NRG3: variants seen among roughly 807,000 people sequenced by gnomAD.
The protein encoded by NRG3 is neuregulin 3, also known as pro-neuregulin-3, membrane-bound isoform.
In NRG3, 31 loss-of-function variants were observed where a neutral mutation model predicts 66.9. That is an observed-to-expected ratio of 0.46 (90% confidence interval 0.35 to 0.63). The LOEUF (loss-of-function observed/expected upper bound fraction) is 0.63. Among genes scored for constraint, NRG3 ranks in the 20% least tolerant of loss-of-function variants. The pLI is 0.00. For synonymous variants in NRG3, 393 were observed against 359.4 expected, an observed-to-expected ratio of 1.09 and a Z score of -1.06; for missense variants, 910 against 878.9, an observed-to-expected ratio of 1.04 and a Z score of -0.45.
intron 1 of NRG3, among the ~76,000 whole-genome samples, chr10:82,187,937 A>T (rs1242312143): frequency 6.8e-6 from 1 of 146,628 alleles, no homozygotes; most frequent in Non-Finnish European, 1.5e-5. Context: ...CAAAATACCA[A>T]TGACAGTCTT....
At chr10:82,596,132 C>G (rs1207214479) in intron 2 of NRG3, among the ~76,000 whole-genome samples, 1 of 152,166 alleles carries the variant, frequency 6.6e-6, no homozygotes, top group East Asian at 1.9e-4. Flanking sequence ...AATGAACATG[C>G]TTGCTTGCAA....
intron 3 of NRG3, among the ~76,000 whole-genome samples, chr10:82,749,665 C>T (rs1243988844): frequency 1.3e-5 from 2 of 152,060 alleles, no homozygotes; most frequent in Non-Finnish European, 2.9e-5. Context: ...CCCTCCACAT[C>T]CCATATTCAT....
chr10:81,916,617 C>T (rs1374737645), intron 1 of NRG3, among the ~76,000 whole-genome samples: 3 of 152,046 alleles, frequency 2.0e-5, no homozygotes, highest in African/African-American at 2.4e-5. Flanking sequence ...GGTCTGCTGT[C>T]GAAGAGATGT....
chr10:82,873,031 G>A (rs749334104), intron 4 of NRG3, among the ~76,000 whole-genome samples: 2 of 152,096 alleles, frequency 1.3e-5, no homozygotes, highest in Non-Finnish European at 2.9e-5. Flanking sequence ...ATTTTAAGGA[G>A]TGATTATCCC....
At chr10:82,738,719 A>T in intron 3 of NRG3, 69 bp downstream of exon 3, 6 of 1,299,664 alleles carry the variant, frequency 4.6e-6, no homozygotes, top group South Asian at 1.2e-5. Flanking sequence ...AATGGTTGTT[A>T]ACTCAGCTGA....
chr10:82,976,776 C>T (rs1290454103), intron 7 of NRG3, among the ~76,000 whole-genome samples: 2 of 152,082 alleles, frequency 1.3e-5, no homozygotes, highest in African/African-American at 4.8e-5. Flanking sequence ...GTGTCCCCTT[C>T]CTCCCTGCTT....
intron 2 of NRG3, among the ~76,000 whole-genome samples, chr10:82,565,927 A>G (rs952410037): frequency 2.0e-5 from 3 of 152,076 alleles, no homozygotes; most frequent in Non-Finnish European, 2.9e-5. Context: ...CTTTAAAAGC[A>G]TGGGTTTGTG....
intron 1 of NRG3, among the ~76,000 whole-genome samples, chr10:82,000,510 C>A (rs981045404): frequency 6.6e-6 from 1 of 152,110 alleles, no homozygotes; most frequent in African/African-American, 2.4e-5. Context: ...GGTCATGTAT[C>A]ACCCTTAGCT....
intron 3 of NRG3, among the ~76,000 whole-genome samples, chr10:82,797,600 G>A (rs978350049): frequency 6.6e-6 from 1 of 152,012 alleles, no homozygotes; most frequent in African/African-American, 2.4e-5. Flanking sequence ...AAATGTCCTT[G>A]TTTGCTCATG....
At chr10:81,892,148 T>A (rs1843065962) in intron 1 of NRG3, among the ~76,000 whole-genome samples, 1 of 152,036 alleles carries the variant, frequency 6.6e-6, no homozygotes, top group African/African-American at 2.4e-5. Flanking sequence ...AAGAATTCCA[T>A]CCCCTTCTTC....
At chr10:81,912,986 T>C (rs1329265562) in intron 1 of NRG3, among the ~76,000 whole-genome samples, 1 of 152,210 alleles carries the variant, frequency 6.6e-6, no homozygotes, top group East Asian at 1.9e-4. Flanking sequence ...AATAAATCCA[T>C]TGTGTAAACT....
chr10:82,919,183 A>G (rs528939889), intron 4 of NRG3, among the ~76,000 whole-genome samples: 1 of 152,130 alleles, frequency 6.6e-6, no homozygotes, highest in East Asian at 1.9e-4. Context: ...AGAATGAGAA[A>G]GTTGCATAAT....
chr10:82,373,691 C>T (rs1382147068), intron 2 of NRG3, among the ~76,000 whole-genome samples: 1 of 152,160 alleles, frequency 6.6e-6, no homozygotes, highest in Non-Finnish European at 1.5e-5. Flanking sequence ...AAAGTATCTA[C>T]TTTAAATAAG....
At chr10:82,161,832 A>C (rs1039565426) in intron 1 of NRG3, among the ~76,000 whole-genome samples, 5 of 152,282 alleles carry the variant, frequency 3.3e-5, no homozygotes, top group Admixed American at 1.3e-4. Context: ...TCTAAGTTTA[A>C]GCAAAGCAAT....
chr10:82,804,553 A>T lies in NRG3; in HGVS notation c.1028-60858A>T, dbSNP rs138855878. On this transcript the variant is annotated intron_variant, in intron 3 of 8. Coordinates refer to ENST00000372141, the MANE Select transcript of NRG3 (RefSeq NM_001010848.4). Reference sequence around the variant, plus strand: ...GTGCTCAATAAATGCTAGCCACAAAATCATTATCATTCTTATTGCTATAAT... The same window carrying T: ...GTGCTCAATAAATGCTAGCCACAAATTCATTATCATTCTTATTGCTATAAT... Among the ~76,000 whole-genome samples the T allele has an allele frequency of 4.3e-3, 660 of 152,308 alleles. 9 individuals carry two copies. Among genetic ancestry groups the T allele is most frequent in the African/African-American group, 0.015 (640 of 41,566 alleles).
Position 82,784,922 on chromosome 10 carries a change from A to T in NRG3, c.1027+46272A>T, listed in dbSNP as rs1267790777. Among the ~76,000 whole-genome samples the T allele has an allele frequency of 2.0e-5, 3 of 152,300 alleles. 1 individual carries two copies. In the South Asian group the frequency reaches 6.2e-4, roughly 32 times the overall value. On this transcript the variant is annotated intron_variant, in intron 3 of 8. Coordinates refer to ENST00000372141, the MANE Select transcript of NRG3 (RefSeq NM_001010848.4). ...CATGCACACGTATGTTCATTTCATC[A>T]CTATTCACAATAGCAAAGACTTGGA...
At chr10:82,544,068 C>T (rs182961141) in intron 2 of NRG3, among the ~76,000 whole-genome samples, 7 of 152,288 alleles carry the variant, frequency 4.6e-5, no homozygotes, top group Non-Finnish European at 8.8e-5. Context: ...GACTCAGAGA[C>T]CCAGTTGCTT....
intron 2 of NRG3, among the ~76,000 whole-genome samples, chr10:82,705,204 C>T (rs994499515): frequency 2.0e-5 from 3 of 152,120 alleles, no homozygotes; most frequent in African/African-American, 7.2e-5. Context: ...AAGACAAGCC[C>T]TCTGGACTGG....
At position 82,738,635 on chromosome 10, in the gene NRG3, A is replaced by G; in HGVS notation, c.1012A>G (p.Ile338Val). The change falls in exon 3 of 9, where the codon ATC (isoleucine) becomes GTC (valine). Residue 338 changes from isoleucine to valine, a missense_variant. Coordinates refer to ENST00000372141, the MANE Select transcript of NRG3 (RefSeq NM_001010848.4). ...CDQFLPKTDS[I>V]LSDPTDHLGI... is the part of the protein sequence containing the mutation. ...TCAATTTCTGCCGAAAACTGATTCC[A>G]TCTTATCGGATCCAAGTAGGTCAAG... The G allele has an allele frequency of 6.2e-7, 1 of 1,614,074 alleles. No individual in the cohort carries two copies.
Sources: gnomAD v4.1 joint callset for allele counts (sites outside exome capture counted in the v4.1 genomes callset) on GRCh38, gnomAD v4.1.1 for gene constraint, MANE v1.5 for transcripts, NCBI Gene and HGNC (gene_info 2026-07-23, HGNC 2026-07-21) for gene names.